Variants in COL22A1 observed in about 807,000 individuals in gnomAD.
The protein encoded by COL22A1 is collagen alpha-1(XXII) chain.
Under a neutral mutation model 248.9 loss-of-function variants are expected in COL22A1, and 221 were observed. The observed-to-expected ratio is 0.89, with a 90% confidence interval of 0.80 to 0.99. The LOEUF (loss-of-function observed/expected upper bound fraction) is 0.99. Among genes scored for constraint, COL22A1 ranks in the 50% least tolerant of loss-of-function variants. COL22A1 has a pLI of 0.00. For missense variants in COL22A1, 2,240 were observed against 2,179.0 expected (o/e 1.03, Z -0.56); for synonymous variants, 891 against 793.4 (o/e 1.12, Z -2.07).
At chr8:138,700,668 C>A (rs1827880757) in intron 31 of COL22A1, among the ~76,000 whole-genome samples, 1 of 152,170 alleles carries the variant, frequency 6.6e-6, no homozygotes, top group African/African-American at 2.4e-5. Context: ...GCTCCTTCAG[C>A]CTGGCCACCC....
At chr8:138,802,836 A>T in intron 11 of COL22A1, 36 bp downstream of exon 11, 1 of 1,569,272 alleles carries the variant, frequency 6.4e-7, no homozygotes, top group Non-Finnish European at 8.8e-7. Context: ...GCCCGCCCTG[A>T]GGTTCAGCCA....
intron 41 of COL22A1, among the ~76,000 whole-genome samples, chr8:138,663,952 T>C (rs1824212689): frequency 6.6e-6 from 1 of 151,826 alleles, no homozygotes; most frequent in African/African-American, 2.4e-5. Context: ...CTCCATTTGC[T>C]CCTCAACTGA....
intron 31 of COL22A1, among the ~76,000 whole-genome samples, chr8:138,701,036 C>T (rs973203507): frequency 9.4e-5 from 14 of 149,550 alleles, no homozygotes; most frequent in Non-Finnish European, 8.9e-5. Flanking sequence ...CATGCTTTCT[C>T]CAGCTTCAAA....
chr8:138,806,158 G>GTTTGTGTGTGATGGTGTGTT (rs1817692911), intron 10 of COL22A1, among the ~76,000 whole-genome samples: 2 of 126,370 alleles, frequency 1.6e-5, no homozygotes, highest in African/African-American at 3.8e-5. Flanking sequence ...GTGATGGTGT[G>GTTTGTGTGTGATGGTGTGTT]TGTGTGTGAT....
intron 49 of COL22A1, among the ~76,000 whole-genome samples, chr8:138,633,619 A>T (rs1055612207): frequency 6.6e-6 from 1 of 152,216 alleles, no homozygotes; most frequent in African/African-American, 2.4e-5. Flanking sequence ...TGAATAAACT[A>T]TTTTTTAAGT....
chr8:138,788,690 T>C (rs1339282657), intron 12 of COL22A1, among the ~76,000 whole-genome samples: 1 of 152,176 alleles, frequency 6.6e-6, no homozygotes, highest in Admixed American at 6.5e-5. Flanking sequence ...TGGTCGCCTC[T>C]GGGAATAAGA....
intron 1 of COL22A1, among the ~76,000 whole-genome samples, chr8:138,912,830 C>T (rs1327052415): frequency 6.6e-6 from 1 of 152,096 alleles, no homozygotes; most frequent in Non-Finnish European, 1.5e-5. Flanking sequence ...GGACCCGGCA[C>T]ACAGCTCTGG....
At chr8:138,647,670 G>C (rs370139337) in intron 46 of COL22A1, among the ~76,000 whole-genome samples, 4 of 152,266 alleles carry the variant, frequency 2.6e-5, no homozygotes, top group African/African-American at 9.6e-5. Flanking sequence ...CTCTGAGAAA[G>C]GACTACCCAG....
chr8:138,687,237 G>A (rs956752219), intron 37 of COL22A1, among the ~76,000 whole-genome samples: 2 of 152,180 alleles, frequency 1.3e-5, no homozygotes, highest in Non-Finnish European at 2.9e-5. Flanking sequence ...GATTACAGGC[G>A]TGAGCCACCA....
At chr8:138,853,082 A>G (rs966623689) in intron 3 of COL22A1, among the ~76,000 whole-genome samples, 2 of 152,158 alleles carry the variant, frequency 1.3e-5, no homozygotes, top group African/African-American at 4.8e-5. Context: ...AGCCTGAGGC[A>G]GAGAATCACT....
chr8:138,799,256 T>C (rs1816808193), intron 11 of COL22A1, among the ~76,000 whole-genome samples: 1 of 152,232 alleles, frequency 6.6e-6, no homozygotes, highest in African/African-American at 2.4e-5. Flanking sequence ...CCTTTAGTTC[T>C]TTGATCATAA....
intron 43 of COL22A1, among the ~76,000 whole-genome samples, chr8:138,660,891 GACACACAA>G (rs1823809453): frequency 3.8e-3 from 34 of 9,024 alleles, no homozygotes; most frequent in Non-Finnish European, 0.011. Context: ...CACATACACA[GACACACAA>G]ACACACACAT....
At chr8:138,843,201 G>A (rs1411823528) in intron 4 of COL22A1, among the ~76,000 whole-genome samples, 1 of 152,160 alleles carries the variant, frequency 6.6e-6, no homozygotes, top group Non-Finnish European at 1.5e-5. Flanking sequence ...CCAGGCACAA[G>A]ATGCAGATGC....
chr8:138,863,170 T>G (rs1230202848), intron 3 of COL22A1, among the ~76,000 whole-genome samples: 2 of 152,236 alleles, frequency 1.3e-5, no homozygotes, highest in Non-Finnish European at 2.9e-5. Flanking sequence ...GGCTCCCCGT[T>G]TCTTTCCTTG....
intron 47 of COL22A1, among the ~76,000 whole-genome samples, chr8:138,637,537 C>T (rs1821300121): frequency 1.3e-5 from 2 of 152,188 alleles, no homozygotes; most frequent in East Asian, 1.9e-4. Flanking sequence ...ATGGGAAACA[C>T]TTGGCATAGA....
At chr8:138,792,950 TCTC>T (rs1311593464) in intron 12 of COL22A1, among the ~76,000 whole-genome samples, 1 of 152,180 alleles carries the variant, frequency 6.6e-6, no homozygotes, top group Non-Finnish European at 1.5e-5. Context: ...AGTGCCGTGT[TCTC>T]CTCATCCTTG....
At chr8:138,603,990 G>C (rs2131843475) in intron 59 of COL22A1, among the ~76,000 whole-genome samples, 1 of 152,334 alleles carries the variant, frequency 6.6e-6, no homozygotes, top group South Asian at 2.1e-4. Context: ...CTGGGCTACA[G>C]CAGAACAGAG....
At chr8:138,840,748 G>A (rs1210042998) in intron 4 of COL22A1, among the ~76,000 whole-genome samples, 1 of 151,982 alleles carries the variant, frequency 6.6e-6, no homozygotes, top group African/African-American at 2.4e-5. Flanking sequence ...GTAGAGATGG[G>A]GCACGCACCA....
At chr8:138,882,016 C>T (rs764389141) in intron 2 of COL22A1, among the ~76,000 whole-genome samples, 1 of 152,138 alleles carries the variant, frequency 6.6e-6, no homozygotes, top group South Asian at 2.1e-4. Context: ...TACATAAACA[C>T]GCTTTTCTCA....
Sources: gnomAD v4.1 joint callset for allele counts (sites outside exome capture counted in the v4.1 genomes callset) on GRCh38, gnomAD v4.1.1 for gene constraint, MANE v1.5 for transcripts, NCBI Gene and HGNC (gene_info 2026-07-23, HGNC 2026-07-21) for gene names.